C12orf54: variants seen among roughly 807,000 people sequenced by gnomAD.
The protein encoded by C12orf54 is chromosome 12 open reading frame 54.
A neutral mutation model predicts 26.4 loss-of-function variants in C12orf54; 24 were observed. The ratio of observed to expected loss-of-function variants is 0.91; its 90% CI spans 0.66 to 1.28. The LOEUF is 1.28. Ranked by LOEUF, C12orf54 falls within the 50% of genes most tolerant of loss-of-function variation. The pLI is 0.00. For synonymous variants in C12orf54, 54 were observed against 47.0 expected, an observed-to-expected ratio of 1.15 and a Z score of -0.61; for missense variants, 154 against 150.9, an observed-to-expected ratio of 1.02 and a Z score of -0.11.
chr12:48,457,199 C>T, the C12orf54 span, among the ~76,000 whole-genome samples: 3 of 151,816 alleles, frequency 2.0e-5, no homozygotes, highest in Admixed American at 6.6e-5. Flanking sequence ...GAGAGGTGAC[C>T]GTAGGGCCCC....
At chr12:48,475,901 C>T in the C12orf54 span, among the ~76,000 whole-genome samples, 6 of 151,924 alleles carry the variant, frequency 3.9e-5, no homozygotes, top group East Asian at 3.9e-4. Context: ...GAGAACGCCA[C>T]AAAGATACTC....
chr12:48,430,349 T>C, the C12orf54 span, among the ~76,000 whole-genome samples: 21,445 of 152,140 alleles, frequency 0.14, 2,058 homozygotes, highest in Non-Finnish European at 0.22. Context: ...AAAGGAACAG[T>C]GAGCAGAGTA....
chr12:48,468,408 T>C, the C12orf54 span, among the ~76,000 whole-genome samples: 1 of 152,186 alleles, frequency 6.6e-6, no homozygotes, highest in African/African-American at 2.4e-5. Context: ...GGAAGGACTG[T>C]GTGCTTTGTC....
chr12:48,486,673 T>C lies in C12orf54; in HGVS notation c.97-15T>C. 6.2e-7 allele frequency: 1 copy of C among 1,609,108 alleles called. No individual in the cohort carries two copies. The highest frequency in any genetic ancestry group is 1.1e-5 in the South Asian group (1 of 90,928). On this transcript the variant is annotated splice_polypyrimidine_tract_variant and intron_variant, in intron 3 of 8. Transcript: ENST00000548364. ...TTGGGATATTGTTTCCAACATTTGT[T>C]CCTTATTTCTACAGGAAAAACAGGT...
In C12orf54 at chr12:48,494,779, T is replaced by C. The variant is rs200613228; in HGVS notation, c.243-19T>C. 413 of 1,611,806 alleles carry C rather than the reference T, an allele frequency of 2.6e-4. 1 individual carries two copies. The African/African-American group carries it at 4.9e-3, about 19-fold the overall frequency. ...GATCTCTTTCCCTCATGTCTACAAC[T>C]TTCTCTATTTTGGCACAGAAGCATA... is the stretch of plus-strand genomic sequence containing the variant. On this transcript the variant is annotated intron_variant, in intron 7 of 8. Transcript: ENST00000548364.
At position 48,489,597 on chromosome 12, in the gene C12orf54, TG is replaced by T. The variant is rs537974979; in HGVS notation, c.168+642del. On this transcript the variant is annotated intron_variant, in intron 5 of 8. Transcript: ENST00000548364. Reference sequence around the variant, plus strand: ...CCAGCTAACTTTTTTTGTATTTTTTTGTAGAGACAGGGTTTCGCCATGTTGC... The same window carrying T: ...CCAGCTAACTTTTTTTGTATTTTTTTTAGAGACAGGGTTTCGCCATGTTGC... Among the ~76,000 whole-genome samples the T allele has an allele frequency of 7.9e-3, 1,202 of 152,204 alleles. 10 individuals carry two copies. The highest frequency in any genetic ancestry group is 0.041 in the Middle Eastern group (12 of 294).
the C12orf54 span, among the ~76,000 whole-genome samples, chr12:48,460,218 T>C: frequency 6.6e-6 from 1 of 152,208 alleles, no homozygotes; most frequent in East Asian, 1.9e-4. Flanking sequence ...TTGGGGGTCA[T>C]ACAGCCTCTT....
chr12:48,459,590 A>T, the C12orf54 span, among the ~76,000 whole-genome samples: 2 of 152,128 alleles, frequency 1.3e-5, no homozygotes, highest in Non-Finnish European at 2.9e-5. Flanking sequence ...CGGTCACTGA[A>T]ATTTAAAGGT....
the C12orf54 span, chr12:48,472,857 A>G: frequency 6.2e-7 from 1 of 1,614,034 alleles, no homozygotes; most frequent in Non-Finnish European, 8.5e-7. Flanking sequence ...AAAGTTAAAC[A>G]AACTTAAGAA....
chr12:48,462,397 CA>C, the C12orf54 span, among the ~76,000 whole-genome samples: 1 of 151,200 alleles, frequency 6.6e-6, no homozygotes, highest in Non-Finnish European at 1.5e-5. Flanking sequence ...TTTGTGATGC[CA>C]ACATTATTAT....
the C12orf54 span, chr12:48,472,665 A>T: frequency 6.2e-7 from 1 of 1,614,120 alleles, no homozygotes; most frequent in Non-Finnish European, 8.5e-7. Flanking sequence ...AGCGTGAGAG[A>T]TGGAGATGGG....
the C12orf54 span, among the ~76,000 whole-genome samples, chr12:48,443,464 G>C: frequency 6.6e-6 from 1 of 152,302 alleles, no homozygotes; most frequent in East Asian, 1.9e-4. Context: ...AAATACTTAA[G>C]TGAGGTCAGT....
the C12orf54 span, chr12:48,473,010 G>T: frequency 1.2e-6 from 2 of 1,614,014 alleles, no homozygotes; most frequent in Non-Finnish European, 8.5e-7. Flanking sequence ...AGAAAACCTC[G>T]AGAGCTTAGA....
At chr12:48,472,794 C>T in the C12orf54 span, 6 of 1,614,014 alleles carry the variant, frequency 3.7e-6, no homozygotes, top group African/African-American at 8.0e-5. Flanking sequence ...ATTTGAAGAA[C>T]TGGAATTATT....
chr12:48,448,814 A>G, the C12orf54 span, among the ~76,000 whole-genome samples: 1 of 152,248 alleles, frequency 6.6e-6, no homozygotes, highest in African/African-American at 2.4e-5. Context: ...TGAACCAAAT[A>G]TAAGTGACCA....
chr12:48,416,566 A>C, the C12orf54 span, among the ~76,000 whole-genome samples: 1 of 152,202 alleles, frequency 6.6e-6, no homozygotes, highest in Non-Finnish European at 1.5e-5. Flanking sequence ...AGAGGCAATT[A>C]GTCCTTAAGA....
At chr12:48,429,669 C>A in the C12orf54 span, among the ~76,000 whole-genome samples, 2 of 151,908 alleles carry the variant, frequency 1.3e-5, no homozygotes, top group Non-Finnish European at 2.9e-5. Context: ...TCAGAGATGA[C>A]ACAAACAAAT....
At chr12:48,477,509 T>C (rs1202095234), upstream of C12orf54, among the ~76,000 whole-genome samples, 2 of 151,968 alleles carry the variant, frequency 1.3e-5, no homozygotes, top group African/African-American at 4.8e-5. Context: ...GCAAGACTAA[T>C]AAAGAAGAAA....
chr12:48,441,212 T>C, the C12orf54 span, among the ~76,000 whole-genome samples: 1 of 152,230 alleles, frequency 6.6e-6, no homozygotes, highest in Non-Finnish European at 1.5e-5. Flanking sequence ...AAATCTGGCC[T>C]TGAAAGGGCA....
Sources: gnomAD v4.1 joint callset for allele counts (sites outside exome capture counted in the v4.1 genomes callset) on GRCh38, gnomAD v4.1.1 for gene constraint, MANE v1.5 for transcripts, NCBI Gene and HGNC (gene_info 2026-07-23, HGNC 2026-07-21) for gene names.